Variants in ARHGAP35 observed in about 807,000 individuals in gnomAD.
ARHGAP35 encodes Rho GTPase activating protein 35.
In ARHGAP35, 15 loss-of-function variants were observed where a neutral mutation model predicts 111.1. The observed-to-expected ratio is 0.13, with a 90% CI of 0.09 to 0.21. ARHGAP35 has a LOEUF of 0.21. Ranked by LOEUF, ARHGAP35 falls within the 10% of genes least tolerant of loss-of-function variation. The pLI is 1.00. For synonymous variants in ARHGAP35, 643 were observed against 710.3 expected, an observed-to-expected ratio of 0.91 and a Z score of 1.51; for missense variants, 1,262 against 1,873.0, an observed-to-expected ratio of 0.67 and a Z score of 6.02.
At position 46,918,564 on chromosome 19, in the gene ARHGAP35, A is replaced by ATTTTTTTTT; in HGVS notation, c.-107_-106insTTTTTTTTT. 9.3e-7 allele frequency: 1 copy of ATTTTTTTTT among 1,070,012 alleles called. No individual in the cohort carries two copies. The highest frequency in any genetic ancestry group is 1.5e-5 in the South Asian group (1 of 66,382). 66.3% of individuals were successfully genotyped at this position (1,070,012 alleles called of 1,614,324 possible). A position where few individuals can be genotyped will look rare whatever the true frequency, so the allele number is the denominator to read the frequency against. On this transcript the variant is annotated 5_prime_UTR_variant, in exon 2 of 7. Coordinates refer to ENST00000672722, the MANE Select transcript of ARHGAP35 (RefSeq NM_004491.5). The surrounding 1 kb of genome is among the most constrained non-coding windows in gnomAD (Gnocchi z 5.4). ...GGTATACAACACTATGGGACCTGGCATTTTTGCTGCATGTCCAGCCCACCC... is the reference window on the plus strand; with the variant it reads ...GGTATACAACACTATGGGACCTGGCATTTTTTTTTTTTTTGCTGCATGTCCAGCCCACCC...
intron 3 of ARHGAP35, among the ~76,000 whole-genome samples, chr19:46,968,977 TTCAGGAGACTG>T (rs2056530025): frequency 6.6e-6 from 1 of 152,038 alleles, no homozygotes; most frequent in Non-Finnish European, 1.5e-5. Context: ...ATCCCAGCTA[TTCAGGAGACTG>T]AGGCGGAAGA....
chr19:46,931,895 C>T (rs376386843), intron 2 of ARHGAP35, among the ~76,000 whole-genome samples: 3 of 152,122 alleles, frequency 2.0e-5, no homozygotes, highest in East Asian at 1.9e-4. Flanking sequence ...GCAGAGTGGT[C>T]GTGAAGTTTT....
intron 3 of ARHGAP35, among the ~76,000 whole-genome samples, chr19:46,961,623 C>A (rs967780991): frequency 5.3e-5 from 8 of 151,914 alleles, no homozygotes; most frequent in African/African-American, 1.9e-4. Context: ...GAAAACCTAC[C>A]CATGCTATTA....
intron 1 of ARHGAP35, among the ~76,000 whole-genome samples, chr19:46,905,170 G>T (rs182619638): frequency 6.6e-6 from 1 of 152,278 alleles, no homozygotes; most frequent in Admixed American, 6.5e-5. Context: ...AAATGTCTGA[G>T]CATTAAATGG....
Position 46,954,118 on chromosome 19 carries a change from A to G in ARHGAP35, c.3826+16710A>G, listed in dbSNP as rs1192399577. On this transcript the variant is annotated intron_variant, in intron 3 of 6. Coordinates refer to ENST00000672722, the MANE Select transcript of ARHGAP35 (RefSeq NM_004491.5). The stretch of plus-strand genomic sequence containing the variant: ...GGCAGCTGTCTGTATGTAAGCCAGC[A>G]GGAGGGCCCTGCCAGAAACCAAATA... Among the ~76,000 whole-genome samples the G allele has an allele frequency of 3.9e-5, 6 of 152,210 alleles. No homozygotes were observed. In the East Asian group the frequency reaches 1.2e-3, roughly 29 times the overall value.
intron 1 of ARHGAP35, among the ~76,000 whole-genome samples, chr19:46,863,206 C>G (rs1350521902): frequency 6.6e-6 from 1 of 152,218 alleles, no homozygotes; most frequent in Non-Finnish European, 1.5e-5. Context: ...TTCCATCCCT[C>G]TGCTGCAGAG....
intron 3 of ARHGAP35, among the ~76,000 whole-genome samples, chr19:46,941,540 G>T (rs2056346983): frequency 6.6e-6 from 1 of 150,686 alleles, no homozygotes; most frequent in African/African-American, 2.4e-5. Flanking sequence ...CTGCACTCCA[G>T]CCTGGGCAAC....
At chr19:46,971,022 G>A (rs898074078) in intron 3 of ARHGAP35, among the ~76,000 whole-genome samples, 12 of 152,154 alleles carry the variant, frequency 7.9e-5, no homozygotes, top group African/African-American at 2.9e-4. Flanking sequence ...GACACACAGG[G>A]AAAATAGCAA....
chr19:46,934,865 G>T (rs954447620), intron 2 of ARHGAP35, among the ~76,000 whole-genome samples: 1 of 151,582 alleles, frequency 6.6e-6, no homozygotes, highest in African/African-American at 2.4e-5. Flanking sequence ...TAGAGATGGG[G>T]TTTCACCATG....
chr19:46,955,774 A>G (rs1192525009), intron 3 of ARHGAP35, among the ~76,000 whole-genome samples: 1 of 152,202 alleles, frequency 6.6e-6, no homozygotes, highest in Admixed American at 6.5e-5. Context: ...TAAACCATTT[A>G]AGAAAAAAAT....
chr19:46,959,964 G>A lies in ARHGAP35; in HGVS notation c.3826+22556G>A, dbSNP rs180761480. ...AAAATTTTTTTTTTTTTTTTAGTTA[G>A]CCATGCATTGTGGCACATGTCTATA... On this transcript the variant is annotated intron_variant, in intron 3 of 6. Coordinates refer to ENST00000672722, the MANE Select transcript of ARHGAP35 (RefSeq NM_004491.5). 8.8e-4 allele frequency among the ~76,000 whole-genome samples: 130 copies of A among 147,638 alleles called. 2 individuals are homozygous for A. The South Asian group carries it at 0.016, about 18-fold the overall frequency.
At chr19:46,903,369 G>T (rs549914872) in intron 1 of ARHGAP35, among the ~76,000 whole-genome samples, 1 of 152,082 alleles carries the variant, frequency 6.6e-6, no homozygotes, top group South Asian at 2.1e-4. Flanking sequence ...ATTTTAAGAC[G>T]ATTCAAAAGA....
intron 1 of ARHGAP35, among the ~76,000 whole-genome samples, chr19:46,890,087 A>G (rs189090277): frequency 2.1e-3 from 322 of 152,328 alleles, no homozygotes; most frequent in Non-Finnish European, 3.5e-3. Context: ...ATGACCCAAA[A>G]AAGACTACAA....
intron 1 of ARHGAP35, among the ~76,000 whole-genome samples, chr19:46,904,294 A>C (rs1395834753): frequency 6.6e-6 from 1 of 152,192 alleles, no homozygotes; most frequent in African/African-American, 2.4e-5. Flanking sequence ...AGTGGCTTTC[A>C]TTCAGAGACA....
chr19:46,889,329 T>C (rs2056012264), intron 1 of ARHGAP35, among the ~76,000 whole-genome samples: 1 of 151,178 alleles, frequency 6.6e-6, no homozygotes, highest in Non-Finnish European at 1.5e-5. Flanking sequence ...TGTGGTGGCG[T>C]GTGCCTGTAG....
chr19:46,911,941 A>G (rs1036299255), intron 1 of ARHGAP35, among the ~76,000 whole-genome samples: 10 of 152,202 alleles, frequency 6.6e-5, no homozygotes, highest in Non-Finnish European at 1.2e-4. Flanking sequence ...AAGAAAATTT[A>G]CTTTAGCATT....
rs2056665526 is a variant in ARHGAP35 at position 46,988,962 on chromosome 19, T to A, written c.3905-582T>A. The A allele has an allele frequency of 6.4e-6, 1 of 155,880 alleles. No homozygotes were observed. The highest frequency in any genetic ancestry group is 1.4e-5 in the Non-Finnish European group (1 of 70,180). The allele number at this position is 155,880 out of a possible 1,614,324, so 9.7% of individuals were successfully genotyped here. A position where few individuals can be genotyped will look rare whatever the true frequency, so the allele number is the denominator to read the frequency against. ...TTACCTCCCCCATAGTGGAACCTGG[T>A]ACTGTCCATCTGTAGAGATTTCTTC... On this transcript the variant is annotated intron_variant, in intron 4 of 6. Transcript: ENST00000672722. The surrounding 1 kb of genome is among the most constrained non-coding windows in gnomAD (Gnocchi z 5.4).
chr19:46,863,614 C>G (rs1296079750), intron 1 of ARHGAP35, among the ~76,000 whole-genome samples: 10 of 152,152 alleles, frequency 6.6e-5, no homozygotes, highest in Admixed American at 6.6e-4. Flanking sequence ...CCCCTTCCAC[C>G]TCTAAGCCAG....
At chr19:46,877,589 TAAAA>T (rs753438022) in intron 1 of ARHGAP35, among the ~76,000 whole-genome samples, 1 of 152,082 alleles carries the variant, frequency 6.6e-6, no homozygotes, top group African/African-American at 2.4e-5. Flanking sequence ...AAATAAAAAT[TAAAA>T]AATAAAAGTT....
Sources: allele counts gnomAD v4.1 joint callset (sites outside exome capture counted in the v4.1 genomes callset), GRCh38; gene constraint gnomAD v4.1.1; non-coding constraint Gnocchi (gnomAD v3.1); transcripts MANE v1.5; gene names NCBI Gene and HGNC (gene_info 2026-07-23, HGNC 2026-07-21).